XKR4: variants seen among roughly 807,000 people sequenced by gnomAD.
XKR4 encodes XK-related protein 4.
XKR4 carries 12 observed loss-of-function variants against 53.9 expected under a neutral mutation model. That is an observed-to-expected ratio of 0.22 (90% CI 0.14 to 0.36). XKR4 has a LOEUF of 0.36. Among genes scored for constraint, XKR4 ranks in the 10% least tolerant of loss-of-function variants. The pLI, the probability that XKR4 is intolerant of heterozygous loss-of-function variation, is 1.00. For synonymous variants in XKR4, 354 were observed against 362.4 expected, an observed-to-expected ratio of 0.98 and a Z score of 0.26; for missense variants, 799 against 859.5, an observed-to-expected ratio of 0.93 and a Z score of 0.88.
At chr8:55,227,235 T>C (rs975472333) in intron 1 of XKR4, among the ~76,000 whole-genome samples, 1 of 152,248 alleles carries the variant, frequency 6.6e-6, no homozygotes, top group Non-Finnish European at 1.5e-5. Flanking sequence ...TAGATGTTAT[T>C]ATCATAGCTG....
intron 2 of XKR4, among the ~76,000 whole-genome samples, chr8:55,361,589 G>T (rs761992363): frequency 6.6e-6 from 1 of 151,652 alleles, no homozygotes; most frequent in Non-Finnish European, 1.5e-5. Flanking sequence ...ATCCTCACCC[G>T]TGCCCTCTTC....
In XKR4 at chr8:55,534,245, G is replaced by T. The variant is rs1806995155; in HGVS notation, c.*10018G>T. 6.6e-6 allele frequency: 1 copy of T among 151,694 alleles called. No individual in the cohort carries two copies. Among genetic ancestry groups the T allele is most frequent in the African/African-American group, 2.4e-5 (1 of 41,252 alleles). 9.4% of individuals were successfully genotyped at this position (151,694 alleles called of 1,614,324 possible). A position where few individuals can be genotyped will look rare whatever the true frequency, so the allele number is the denominator to read the frequency against. ...GAATAATTTGATTCCTGCCTTCTTAGGTGGTGACATTAGCAGTTCCAAACC... is the reference window on the plus strand; with the variant it reads ...GAATAATTTGATTCCTGCCTTCTTATGTGGTGACATTAGCAGTTCCAAACC... On this transcript the variant is annotated 3_prime_UTR_variant, in exon 3 of 3. Coordinates refer to ENST00000327381, the MANE Select transcript of XKR4 (RefSeq NM_052898.2).
chr8:55,438,519 G>A (rs766187683), intron 2 of XKR4, among the ~76,000 whole-genome samples: 1 of 150,930 alleles, frequency 6.6e-6, no homozygotes, highest in East Asian at 2.0e-4. Flanking sequence ...CAACCTGAGA[G>A]GTGGAGGTAG....
intron 1 of XKR4, among the ~76,000 whole-genome samples, chr8:55,248,590 T>C (rs1254070335): frequency 2.0e-5 from 3 of 152,232 alleles, no homozygotes; most frequent in Non-Finnish European, 4.4e-5. Flanking sequence ...CTTCTCAAAG[T>C]ACTCATATAT....
At chr8:55,449,189 T>C (rs1469722424) in intron 2 of XKR4, among the ~76,000 whole-genome samples, 1 of 151,790 alleles carries the variant, frequency 6.6e-6, no homozygotes, top group Non-Finnish European at 1.5e-5. Context: ...TATTTTATTT[T>C]GCATTCATTC....
intron 1 of XKR4, among the ~76,000 whole-genome samples, chr8:55,175,800 C>T (rs772752552): frequency 3.8e-4 from 58 of 152,156 alleles, no homozygotes; most frequent in Non-Finnish European, 7.1e-4. Flanking sequence ...TGTAATAATA[C>T]TTAAAATAAA....
chr8:55,451,515 CT>C, intron 2 of XKR4: 1 of 1,053,502 alleles, frequency 9.5e-7, no homozygotes, highest in Admixed American at 2.2e-5. Context: ...CGTTCTGGGC[CT>C]TAAAGAGTCC....
At chr8:55,386,911 T>C (rs1434546642) in intron 2 of XKR4, among the ~76,000 whole-genome samples, 1 of 152,264 alleles carries the variant, frequency 6.6e-6, no homozygotes, top group Non-Finnish European at 1.5e-5. Context: ...CATTGTATCA[T>C]ATAACAAATG....
At chr8:55,119,229 G>T (rs1202206679) in intron 1 of XKR4, among the ~76,000 whole-genome samples, 1 of 152,152 alleles carries the variant, frequency 6.6e-6, no homozygotes, top group Non-Finnish European at 1.5e-5. Flanking sequence ...TGCATTATCA[G>T]CAAGGGCAGA....
At chr8:55,485,238 C>G (rs1489066284) in intron 2 of XKR4, among the ~76,000 whole-genome samples, 1 of 152,116 alleles carries the variant, frequency 6.6e-6, no homozygotes, top group African/African-American at 2.4e-5. Flanking sequence ...ATTCAACATA[C>G]TACTGGAAGT....
At position 55,523,355 on chromosome 8, in the gene XKR4, C is replaced by A; in HGVS notation, c.1081C>A (p.Arg361=). The change falls in exon 3 of 3, where the codon CGA becomes AGA. Residue 361 remains arginine, a synonymous_variant. Coordinates refer to ENST00000327381, the MANE Select transcript of XKR4 (RefSeq NM_052898.2). ...CTACCAGAAGGCCCTCCGGGACTCT[C>A]GAGATGACAAGAAGCCCATCAGCTA... is the stretch of plus-strand genomic sequence containing the variant. The part of the protein sequence containing the change: ...ASYQKALRDS[R]DDKKPISYMA... 1 of 1,614,170 alleles carries A rather than the reference C, an allele frequency of 6.2e-7. No individual in the cohort carries two copies. The highest frequency in any genetic ancestry group is 8.5e-7 in the Non-Finnish European group (1 of 1,180,018).
At chr8:55,186,309 GC>G (rs1351556339) in intron 1 of XKR4, among the ~76,000 whole-genome samples, 1 of 152,088 alleles carries the variant, frequency 6.6e-6, no homozygotes, top group Non-Finnish European at 1.5e-5. Context: ...GCTTAATTAA[GC>G]CAAAAAGATG....
At chr8:55,271,710 T>C (rs1585979304) in intron 1 of XKR4, among the ~76,000 whole-genome samples, 1 of 152,070 alleles carries the variant, frequency 6.6e-6, no homozygotes, top group Non-Finnish European at 1.5e-5. Context: ...GTGGTTGGGG[T>C]GTGTATTTGG....
intron 2 of XKR4, chr8:55,451,721 G>C: frequency 7.9e-7 from 1 of 1,260,640 alleles, no homozygotes; most frequent in Non-Finnish European, 1.2e-6. Context: ...CGGTTGACCA[G>C]AGAAATGCGG....
intron 2 of XKR4, among the ~76,000 whole-genome samples, chr8:55,513,322 T>A (rs926605586): frequency 6.6e-6 from 1 of 152,146 alleles, no homozygotes; most frequent in Non-Finnish European, 1.5e-5. Flanking sequence ...ATGTGGGCCA[T>A]CGAATTCACA....
intron 2 of XKR4, among the ~76,000 whole-genome samples, chr8:55,444,781 A>G (rs538640928): frequency 2.0e-4 from 30 of 152,354 alleles, no homozygotes; most frequent in African/African-American, 7.2e-4. Flanking sequence ...ATTTGGCATC[A>G]TCTATTAAAG....
At chr8:55,294,083 A>G (rs1819066460) in intron 1 of XKR4, among the ~76,000 whole-genome samples, 1 of 152,208 alleles carries the variant, frequency 6.6e-6, no homozygotes, top group South Asian at 2.1e-4. Flanking sequence ...CCTTCTATCA[A>G]CTTACCTTGC....
intron 1 of XKR4, among the ~76,000 whole-genome samples, chr8:55,167,639 T>C (rs985686785): frequency 1.3e-5 from 2 of 152,154 alleles, no homozygotes; most frequent in African/African-American, 4.8e-5. Context: ...TGAGATTCAG[T>C]AGTTTATCTG....
chr8:55,324,930 C>T (rs1250612546), intron 1 of XKR4, among the ~76,000 whole-genome samples: 1 of 152,186 alleles, frequency 6.6e-6, no homozygotes, highest in Non-Finnish European at 1.5e-5. Flanking sequence ...TATTTTACCA[C>T]CTTTCTCATC....
Sources: allele counts gnomAD v4.1 joint callset (sites outside exome capture counted in the v4.1 genomes callset), GRCh38; gene constraint gnomAD v4.1.1; transcripts MANE v1.5; gene names NCBI Gene and HGNC (gene_info 2026-07-23, HGNC 2026-07-21).